The following SIGLEC15 variants were observed in gnomAD, a reference collection of about 807,000 sequenced individuals.
The protein encoded by SIGLEC15 is sialic acid binding Ig like lectin 15, also known as sialic acid-binding Ig-like lectin 15.
Under a neutral mutation model 26.2 loss-of-function variants are expected in SIGLEC15, and 31 were observed. The ratio of observed to expected loss-of-function variants is 1.18; its 90% confidence interval spans 0.89 to 1.60. The LOEUF is 1.60. Ranked by LOEUF, SIGLEC15 falls within the 40% of genes most tolerant of loss-of-function variation. SIGLEC15 has a pLI of 0.00. For missense variants in SIGLEC15, 501 were observed against 488.4 expected (o/e 1.03, Z -0.24); for synonymous variants, 207 against 221.9 (o/e 0.93, Z 0.60).
chr18:45,833,059 G>A (rs185648610), intron 1 of SIGLEC15, among the ~76,000 whole-genome samples: 1 of 152,268 alleles, frequency 6.6e-6, no homozygotes, highest in African/African-American at 2.4e-5. Flanking sequence ...AGCCCACCCA[G>A]GGAGGGAGGG....
intron 1 of SIGLEC15, chr18:45,829,256 C>A (rs1227836165): frequency 2.9e-6 from 2 of 679,174 alleles, no homozygotes; most frequent in African/African-American, 3.9e-5. Context: ...CCAGATAACC[C>A]TGAAGCAGAT....
Position 45,842,399 on chromosome 18 carries a change from A to G in SIGLEC15, c.*212A>G, listed in dbSNP as rs1164185732. On this transcript the variant is annotated 3_prime_UTR_variant, in exon 6 of 6. Transcript: ENST00000389474. The stretch of plus-strand genomic sequence containing the variant: ...TTCGGAGCTCCCTGATATTTTTGCC[A>G]GCATTTCGTAAATGTGCATACGTCT... 4 of 584,880 alleles carry G rather than the reference A, an allele frequency of 6.8e-6. No homozygotes were observed. The highest frequency in any genetic ancestry group is 1.2e-5 in the Non-Finnish European group (4 of 327,572). The allele number at this position is 584,880 out of a possible 1,614,324, so 36.2% of individuals were successfully genotyped here. A position where few individuals can be genotyped will look rare whatever the true frequency, so the allele number is the denominator to read the frequency against.
At chr18:45,832,235 G>T (rs1205230913) in intron 1 of SIGLEC15, among the ~76,000 whole-genome samples, 1 of 152,216 alleles carries the variant, frequency 6.6e-6, no homozygotes, top group Non-Finnish European at 1.5e-5. Context: ...CCATTTTGCA[G>T]CAGAGGACCC....
Position 45,825,781 on chromosome 18 carries a change from G to A in SIGLEC15, c.52+1G>A, listed in dbSNP as rs1432628782. On this transcript the variant is annotated splice_donor_variant, in intron 1 of 5. Coordinates refer to ENST00000389474, the MANE Select transcript of SIGLEC15 (RefSeq NM_213602.3). LOFTEE classifies it high-confidence loss of function. ...TGCTTGGCGTGGGTTCTCCCGACAG[G>A]TGAGTGTCTGCTACTCTCTCTGGCC... 6.2e-7 allele frequency: 1 copy of A among 1,614,232 alleles called. No homozygotes were observed. The highest frequency in any genetic ancestry group is 1.1e-5 in the South Asian group (1 of 91,086).
rs56404391 is a variant in SIGLEC15 at position 45,830,583 on chromosome 18, C to CTTTTTTTTTTTTTTT, written c.52+4809_52+4823dup. Among the ~76,000 whole-genome samples the CTTTTTTTTTTTTTTT allele has an allele frequency of 1.2e-4, 12 of 96,702 alleles. 1 individual carries two copies. Among genetic ancestry groups the CTTTTTTTTTTTTTTT allele is most frequent in the East Asian group, 3.6e-4 (1 of 2,776 alleles). The allele number at this position is 96,702 out of a possible 152,430, so 63.4% of individuals were successfully genotyped here. ...TTATTTTAGCTAGATATTTTTCTTT[C>CTTTTTTTTTTTTTTT]TTTTTTTTTTTTTTTTTTTTGAGAC... is the stretch of plus-strand genomic sequence containing the variant. On this transcript the variant is annotated intron_variant, in intron 1 of 5. Coordinates refer to ENST00000389474, the MANE Select transcript of SIGLEC15 (RefSeq NM_213602.3).
rs2048286113 is a variant in SIGLEC15 at position 45,837,599 on chromosome 18, A to C, written c.199A>C (p.Thr67Pro). The stretch of plus-strand genomic sequence containing the variant: ...CGCGGCAGTGCTGCCCTGCACCTTC[A>C]CGCACCCGCACCGCCACTACGACGG... ...GDAAVLPCTF[T>P]HPHRHYDGPL... Residue 67 changes from threonine to proline, a missense_variant, in exon 3 of 6, where the codon ACG (threonine) becomes CCG (proline). Thr to Pro is a conservative substitution (Grantham distance 38). Transcript: ENST00000389474. 6.6e-7 allele frequency: 1 copy of C among 1,510,388 alleles called. No homozygotes were observed. Among genetic ancestry groups the C allele is most frequent in the Non-Finnish European group, 8.8e-7 (1 of 1,137,082 alleles). 93.6% of individuals were successfully genotyped at this position (1,510,388 alleles called of 1,614,324 possible). A position where few individuals can be genotyped will look rare whatever the true frequency, so the allele number is the denominator to read the frequency against.
chr18:45,837,051 A>G lies in SIGLEC15; in HGVS notation c.75A>G (p.Ile25Met). 5.8e-6 allele frequency: 9 copies of G among 1,540,136 alleles called. No individual in the cohort carries two copies. The highest frequency in any genetic ancestry group is 6.3e-6 in the Non-Finnish European group (7 of 1,112,950). ...LPTGSFVRTK[I>M]DTTENLLNTE... ...TAGGCTCATTTGTGAGAACTAAAAT[A>G]GATACTACGGAGAACTTGCTCAACA... Residue 25 changes from isoleucine (I) to methionine (M), a missense_variant, in exon 2 of 6, where the codon ATA becomes ATG. Ile to Met is a conservative substitution (Grantham distance 10). Coordinates refer to ENST00000389474, the MANE Select transcript of SIGLEC15 (RefSeq NM_213602.3).
chr18:45,842,130 T>C lies in SIGLEC15; in HGVS notation c.930T>C (p.Tyr310=), dbSNP rs1458910329. The change falls in exon 6 of 6, where the codon TAT becomes TAC. Residue 310 remains tyrosine, a synonymous_variant. Transcript: ENST00000389474. Reference sequence around the variant, plus strand: ...GGTCCCAGGCCCAGGAGTCCAATTATGAAAATTTGAGCCAGATGAACCCCC... The same window carrying C: ...GGTCCCAGGCCCAGGAGTCCAATTACGAAAATTTGAGCCAGATGAACCCCC... The part of the protein sequence containing the change: ...PPRSQAQESN[Y]ENLSQMNPRS... 6.8e-6 allele frequency: 11 copies of C among 1,614,200 alleles called. No homozygotes were observed. The highest frequency in any genetic ancestry group is 2.2e-5 in the East Asian group (1 of 44,888).
Position 45,825,781 on chromosome 18 carries a change from G to T in SIGLEC15, c.52+1G>T. ...TGCTTGGCGTGGGTTCTCCCGACAGGTGAGTGTCTGCTACTCTCTCTGGCC... is the reference window on the plus strand; with the variant it reads ...TGCTTGGCGTGGGTTCTCCCGACAGTTGAGTGTCTGCTACTCTCTCTGGCC... On this transcript the variant is annotated splice_donor_variant, in intron 1 of 5. Coordinates refer to ENST00000389474, the MANE Select transcript of SIGLEC15 (RefSeq NM_213602.3). LOFTEE classifies it high-confidence loss of function. The T allele has an allele frequency of 6.2e-7, 1 of 1,614,232 alleles. No homozygotes were observed. The highest frequency in any genetic ancestry group is 2.2e-5 in the East Asian group (1 of 44,878).
intron 1 of SIGLEC15, chr18:45,829,131 G>A: frequency 1.0e-6 from 1 of 985,550 alleles, no homozygotes; most frequent in Non-Finnish European, 1.2e-6. Flanking sequence ...TCTGGGGTGG[G>A]CACAGGCCCC....
rs1296510446 is a variant in SIGLEC15, at chr18:45,825,782, T to C, written c.52+2T>C. The C allele has an allele frequency of 1.2e-6, 2 of 1,614,182 alleles. No individual in the cohort carries two copies. Among genetic ancestry groups the C allele is most frequent in the African/African-American group, 1.3e-5 (1 of 75,048 alleles). ...GCTTGGCGTGGGTTCTCCCGACAGG[T>C]GAGTGTCTGCTACTCTCTCTGGCCC... On this transcript the variant is annotated splice_donor_variant, in intron 1 of 5. Coordinates refer to ENST00000389474, the MANE Select transcript of SIGLEC15 (RefSeq NM_213602.3). LOFTEE classifies it high-confidence loss of function.
chr18:45,838,461 C>G, intron 3 of SIGLEC15: 3 of 541,560 alleles, frequency 5.5e-6, no homozygotes, highest in Non-Finnish European at 9.4e-6. Flanking sequence ...CAAGCACCCA[C>G]AAGCATGAAT....
In SIGLEC15 at chr18:45,831,713, G is replaced by A. The variant is rs540791779; in HGVS notation, c.53-5316G>A. The stretch of plus-strand genomic sequence containing the variant: ...CTGGTCCAACATGCTAAATTGAGCT[G>A]CAAATGGTGTAGTGTCCAGGTACCA... On this transcript the variant is annotated intron_variant, in intron 1 of 5. Transcript: ENST00000389474. 7.3e-5 allele frequency among the ~76,000 whole-genome samples: 11 copies of A among 151,598 alleles called. No homozygotes were observed. The South Asian group carries it at 2.3e-3, about 32-fold the overall frequency.
rs372465193 is a variant in SIGLEC15, at chr18:45,842,442, T to TGTGTGAGAGA, written c.*256_*257insTGTGAGAGAG. 3,135 of 344,976 alleles carry TGTGTGAGAGA rather than the reference T, an allele frequency of 9.1e-3. 72 individuals carry two copies. Among genetic ancestry groups the TGTGTGAGAGA allele is most frequent in the African/African-American group, 0.062 (2,913 of 46,898 alleles). 21.4% of individuals were successfully genotyped at this position (344,976 alleles called of 1,614,324 possible). A position where few individuals can be genotyped will look rare whatever the true frequency, so the allele number is the denominator to read the frequency against. On this transcript the variant is annotated 3_prime_UTR_variant, in exon 6 of 6. Transcript: ENST00000389474. ...ATACGTCTGTGTGTGTGTGTGTGTG[T>TGTGTGAGAGA]GAGAGAGAGAGAGAGAGAGTACACG...
intron 1 of SIGLEC15, among the ~76,000 whole-genome samples, chr18:45,835,980 T>A (rs780321971): frequency 1.2e-4 from 18 of 152,200 alleles, no homozygotes; most frequent in Admixed American, 7.9e-4. Flanking sequence ...GAGAAAGCGA[T>A]GTGCACACAC....
At chr18:45,833,126 C>G (rs1210248297) in intron 1 of SIGLEC15, among the ~76,000 whole-genome samples, 1 of 152,074 alleles carries the variant, frequency 6.6e-6, no homozygotes, top group African/African-American at 2.4e-5. Flanking sequence ...GGCTCTTGTC[C>G]TTGGGCACTG....
chr18:45,830,350 G>A (rs893424313), intron 1 of SIGLEC15, among the ~76,000 whole-genome samples: 19 of 152,256 alleles, frequency 1.2e-4, no homozygotes, highest in South Asian at 8.3e-4. Context: ...GAGTAGGTTC[G>A]GCATCAGTCA....
In SIGLEC15 at chr18:45,842,041, A is replaced by G. The variant is rs2048328514; in HGVS notation, c.906-65A>G. The G allele has an allele frequency of 3.4e-6, 5 of 1,457,748 alleles. No homozygotes were observed. The South Asian group carries it at 5.7e-5, about 17-fold the overall frequency. The allele number at this position is 1,457,748 out of a possible 1,614,324, so 90.3% of individuals were successfully genotyped here. A position where few individuals can be genotyped will look rare whatever the true frequency, so the allele number is the denominator to read the frequency against. On this transcript the variant is annotated intron_variant, in intron 5 of 5. Transcript: ENST00000389474. ...CCTCTTCTTGGCCCACTGCTGGCAT[A>G]TAGTTTGGGCAGTTGTGGACCTCCC...
At position 45,843,968 on chromosome 18, in the gene SIGLEC15, C is replaced by T. The variant is rs562578488; in HGVS notation, c.*1781C>T. The T allele has an allele frequency of 6.6e-6, 1 of 152,072 alleles. No individual in the cohort carries two copies. Among genetic ancestry groups the T allele is most frequent in the African/African-American group, 2.4e-5 (1 of 41,396 alleles). The allele number at this position is 152,072 out of a possible 1,614,324, so 9.4% of individuals were successfully genotyped here. A position where few individuals can be genotyped will look rare whatever the true frequency, so the allele number is the denominator to read the frequency against. ...GGAAATCAGTATATTGAAAAGATAC[C>T]AGTACTCCCATGTTTACTGCAGCAC... is the stretch of plus-strand genomic sequence containing the variant. On this transcript the variant is annotated 3_prime_UTR_variant, in exon 6 of 6. Transcript: ENST00000389474.
Sources: allele counts gnomAD v4.1 joint callset (sites outside exome capture counted in the v4.1 genomes callset), GRCh38; gene constraint gnomAD v4.1.1; transcripts MANE v1.5; gene names NCBI Gene and HGNC (gene_info 2026-07-23, HGNC 2026-07-21).